The following ZBTB24 variants were observed in gnomAD, a reference collection of about 807,000 sequenced individuals.
The protein encoded by ZBTB24 is zinc finger and BTB domain containing 24.
In ZBTB24, 32 loss-of-function variants were observed where a neutral mutation model predicts 53.8. The observed-to-expected ratio is 0.60, with a 90% CI of 0.45 to 0.80. ZBTB24 has a LOEUF of 0.80. ZBTB24 is among the 30% of genes least tolerant of loss of function. ZBTB24 has a pLI of 0.00. For synonymous variants in ZBTB24, 297 were observed against 306.7 expected, an observed-to-expected ratio of 0.97 and a Z score of 0.33; for missense variants, 722 against 837.1, an observed-to-expected ratio of 0.86 and a Z score of 1.70.
intron 2 of ZBTB24, among the ~76,000 whole-genome samples, chr6:109,477,415 T>C (rs1348687441): frequency 1.3e-5 from 2 of 152,076 alleles, no homozygotes; most frequent in African/African-American, 4.8e-5. Context: ...CCTCCCAAAT[T>C]GCTGGGAGTA....
chr6:109,469,521 C>CA (rs1391194118), intron 5 of ZBTB24, among the ~76,000 whole-genome samples: 1 of 151,684 alleles, frequency 6.6e-6, no homozygotes, highest in African/African-American at 2.4e-5. Context: ...GGTCAATCTG[C>CA]AGGGGGTCTT....
rs1398350147 is a variant in ZBTB24 at position 109,481,066 on chromosome 6, C to T, written c.952+9G>A. ...AACACACTGCAATCAGCTTTGAAAA[C>T]ATCATTACCTGTGTGGCTCCTCTGG... On this transcript the variant is annotated intron_variant, in intron 2 of 6. Transcript: ENST00000230122. 6.2e-7 allele frequency: 1 copy of T among 1,613,658 alleles called. No individual in the cohort carries two copies. Among genetic ancestry groups the T allele is most frequent in the Non-Finnish European group, 8.5e-7 (1 of 1,179,620 alleles).
At position 109,462,919 on chromosome 6, in the gene ZBTB24, C is replaced by T. The variant is rs984347863; in HGVS notation, c.*2932G>A. ...AATGAATTGTGAAACACTGCACTAGCAACATCATTTCTCAAGGACACATGA... is the reference window on the plus strand; with the variant it reads ...AATGAATTGTGAAACACTGCACTAGTAACATCATTTCTCAAGGACACATGA... On this transcript the variant is annotated 3_prime_UTR_variant, in exon 7 of 7. Transcript: ENST00000230122. 6.6e-6 allele frequency: 1 copy of T among 152,230 alleles called. No individual in the cohort carries two copies. Among genetic ancestry groups the T allele is most frequent in the Admixed American group, 6.5e-5 (1 of 15,292 alleles). The allele number at this position is 152,230 out of a possible 1,614,324, so 9.4% of individuals were successfully genotyped here.
In ZBTB24 at chr6:109,464,107, A is replaced by G; in HGVS notation, c.*1744T>C. ...TTGTGTTTTAAGAATAAAATTAAACAGTTTAAACGAGAACCTGAAATAATA... is the reference window on the plus strand; with the variant it reads ...TTGTGTTTTAAGAATAAAATTAAACGGTTTAAACGAGAACCTGAAATAATA... On this transcript the variant is annotated 3_prime_UTR_variant, in exon 7 of 7. Coordinates refer to ENST00000230122, the MANE Select transcript of ZBTB24 (RefSeq NM_014797.3). 6.6e-6 allele frequency: 1 copy of G among 152,240 alleles called. No homozygotes were observed. Among genetic ancestry groups the G allele is most frequent in the Non-Finnish European group, 1.5e-5 (1 of 68,030 alleles). 9.4% of individuals were successfully genotyped at this position (152,240 alleles called of 1,614,324 possible).
chr6:109,477,807 T>A (rs9487124), intron 2 of ZBTB24, among the ~76,000 whole-genome samples: 5 of 152,160 alleles, frequency 3.3e-5, no homozygotes, highest in Non-Finnish European at 7.3e-5. Context: ...CCAGGCCTAG[T>A]GCCTCCAAGT....
At chr6:109,482,929 C>G (rs1776463758) in intron 1 of ZBTB24, among the ~76,000 whole-genome samples, 169 bp downstream of exon 1, 1 of 152,272 alleles carries the variant, frequency 6.6e-6, no homozygotes, top group Non-Finnish European at 1.5e-5. Flanking sequence ...GGCGCGGAGC[C>G]CCCCGCAGCC....
chr6:109,475,379 C>G lies in ZBTB24; in HGVS notation c.1288+20G>C, dbSNP rs1401672236. 9.3e-6 allele frequency: 15 copies of G among 1,613,944 alleles called. No individual in the cohort carries two copies. The highest frequency in any genetic ancestry group is 1.2e-5 in the Non-Finnish European group (14 of 1,179,818). On this transcript the variant is annotated intron_variant, in intron 5 of 6. Coordinates refer to ENST00000230122, the MANE Select transcript of ZBTB24 (RefSeq NM_014797.3). ...GAAAACATCCCGTGTACTGGGGGGACAGACGAGATGGAGTTTTACCTGTGT... is the reference window on the plus strand; with the variant it reads ...GAAAACATCCCGTGTACTGGGGGGAGAGACGAGATGGAGTTTTACCTGTGT...
chr6:109,466,329 A>G lies in ZBTB24; in HGVS notation c.1616T>C (p.Leu539Pro). Residue 539 changes from leucine (L) to proline (P), a missense_variant, in exon 7 of 7, where the codon CTA becomes CCA. Leu to Pro is a moderately conservative substitution (Grantham distance 98). Coordinates refer to ENST00000230122, the MANE Select transcript of ZBTB24 (RefSeq NM_014797.3). ...NTEEVRNILQLQPYQLSTSGE... is the reference protein window; with the variant it reads ...NTEEVRNILQPQPYQLSTSGE... ...CGAGGTAGAGAGTTGATATGGCTGT[A>G]GCTGAAGAATATTCCTGACCTCTTC... 1 of 1,614,230 alleles carries G rather than the reference A, an allele frequency of 6.2e-7. No homozygotes were observed. Among genetic ancestry groups the G allele is most frequent in the Non-Finnish European group, 8.5e-7 (1 of 1,180,042 alleles).
rs1464484400 is a variant in ZBTB24 at position 109,464,986 on chromosome 6, G to C, written c.*865C>G. On this transcript the variant is annotated 3_prime_UTR_variant, in exon 7 of 7. Transcript: ENST00000230122. ...TAAGACTTAAATTACACTGAATAAA[G>C]TTTTATGTTCCAGAATAGTGAAGAA... 1 of 152,210 alleles carries C rather than the reference G, an allele frequency of 6.6e-6. No individual in the cohort carries two copies. Among genetic ancestry groups the C allele is most frequent in the Non-Finnish European group, 1.5e-5 (1 of 68,056 alleles). The allele number at this position is 152,210 out of a possible 1,614,324, so 9.4% of individuals were successfully genotyped here. A position where few individuals can be genotyped will look rare whatever the true frequency, so the allele number is the denominator to read the frequency against.
chr6:109,467,768 A>C (rs1213989988), intron 5 of ZBTB24, 34 bp from the exon 6 acceptor site: 1 of 1,605,774 alleles, frequency 6.2e-7, no homozygotes, highest in Admixed American at 1.7e-5. Context: ...AAAAAACCCA[A>C]AACAAAAAAA....
Position 109,466,479 on chromosome 6 carries a change from G to A in ZBTB24, c.1466C>T (p.Pro489Leu), listed in dbSNP as rs764808133. Residue 489 changes from proline (P) to leucine (L), a missense_variant, in exon 7 of 7, where the codon CCT becomes CTT. Pro to Leu is a moderately conservative substitution (Grantham distance 98). Transcript: ENST00000230122. ...RHCILHTGKK[P>L]FSCPECNLQF... The stretch of plus-strand genomic sequence containing the variant: ...TAAGTTACACTCAGGGCAGGAGAAA[G>A]GCTTCTTGCCAGTGTGTAGAATGCA... 6.2e-7 allele frequency: 1 copy of A among 1,614,222 alleles called. No individual in the cohort carries two copies. Among genetic ancestry groups the A allele is most frequent in the South Asian group, 1.1e-5 (1 of 91,086 alleles).
Position 109,466,267 on chromosome 6 carries a change from C to G in ZBTB24, c.1678G>C (p.Val560Leu). 1.2e-6 allele frequency: 2 copies of G among 1,614,182 alleles called. No individual in the cohort carries two copies. The highest frequency in any genetic ancestry group is 1.7e-6 in the Non-Finnish European group (2 of 1,180,048). ...CCGGGCATGAAATTGATGTTATGTACAGAATCGGTTACGAGAAGCTGAATT... is the reference window on the plus strand; with the variant it reads ...CCGGGCATGAAATTGATGTTATGTAGAGAATCGGTTACGAGAAGCTGAATT... Reference protein sequence around the residue: ...QEIQLLVTDSVHNINFMPGPS... With the variant: ...QEIQLLVTDSLHNINFMPGPS... Residue 560 changes from valine (V) to leucine (L), a missense_variant, in exon 7 of 7, where the codon GTA becomes CTA. Physicochemically the swap from Val to Leu is conservative, Grantham distance 32. Transcript: ENST00000230122.
At chr6:109,482,495 G>A (rs970016854) in intron 1 of ZBTB24, among the ~76,000 whole-genome samples, 1 of 136,964 alleles carries the variant, frequency 7.3e-6, no homozygotes, top group Non-Finnish European at 1.6e-5. Flanking sequence ...AACTTAGCTC[G>A]CGGTTTTTTT....
intron 2 of ZBTB24, 60 bp from the exon 3 acceptor site, chr6:109,476,990 C>T (rs1207362945): frequency 6.9e-6 from 11 of 1,583,748 alleles, no homozygotes; most frequent in Non-Finnish European, 9.4e-6. Flanking sequence ...TTCTGTCTCT[C>T]CCAAATTAAA....
chr6:109,482,471 A>C (rs184005483), intron 1 of ZBTB24, among the ~76,000 whole-genome samples: 31 of 150,220 alleles, frequency 2.1e-4, no homozygotes, highest in Middle Eastern at 3.4e-3. Context: ...CACCTCAAAA[A>C]ACAAAAACAA....
At position 109,463,374 on chromosome 6, in the gene ZBTB24, C is replaced by T. The variant is rs1775950208; in HGVS notation, c.*2477G>A. On this transcript the variant is annotated 3_prime_UTR_variant, in exon 7 of 7. Coordinates refer to ENST00000230122, the MANE Select transcript of ZBTB24 (RefSeq NM_014797.3). ...ACAAAGCTATCATTTCCTTGTTTCT[C>T]TTTGACAGCTGGTCAAATAATTCAG... is the stretch of plus-strand genomic sequence containing the variant. 2 of 152,206 alleles carry T rather than the reference C, an allele frequency of 1.3e-5. No homozygotes were observed. Among genetic ancestry groups the T allele is most frequent in the African/African-American group, 4.8e-5 (2 of 41,450 alleles). The allele number at this position is 152,206 out of a possible 1,614,324, so 9.4% of individuals were successfully genotyped here. A position where few individuals can be genotyped will look rare whatever the true frequency, so the allele number is the denominator to read the frequency against.
rs773867934 is a variant in ZBTB24 at position 109,482,498 on chromosome 6, GTTT to G, written c.-28-447_-28-445del. ...CAAAAACAAAACAACTTAGCTCGCG[GTTT>G]TTTTTTTTTGAGACGGAGTCTCGCT... On this transcript the variant is annotated intron_variant, in intron 1 of 6. Transcript: ENST00000230122. 5.1e-3 allele frequency among the ~76,000 whole-genome samples: 740 copies of G among 144,222 alleles called. 15 individuals carry two copies. Among genetic ancestry groups the G allele is most frequent in the Admixed American group, 0.012 (170 of 14,650 alleles). The allele number at this position is 144,222 out of a possible 152,430, so 94.6% of individuals were successfully genotyped here.
Position 109,463,673 on chromosome 6 carries a change from T to A in ZBTB24, c.*2178A>T, listed in dbSNP as rs542331451. 19 of 152,372 alleles carry A rather than the reference T, an allele frequency of 1.2e-4. No individual in the cohort carries two copies. Among genetic ancestry groups the A allele is most frequent in the African/African-American group, 4.6e-4 (19 of 41,590 alleles). The allele number at this position is 152,372 out of a possible 1,614,324, so 9.4% of individuals were successfully genotyped here. Reference sequence around the variant, plus strand: ...CAGATCAAGTATGTCCAATGAACATTAGCATCCAAATGGAGATGTGCAGAA... The same window carrying A: ...CAGATCAAGTATGTCCAATGAACATAAGCATCCAAATGGAGATGTGCAGAA... On this transcript the variant is annotated 3_prime_UTR_variant, in exon 7 of 7. Coordinates refer to ENST00000230122, the MANE Select transcript of ZBTB24 (RefSeq NM_014797.3).
intron 2 of ZBTB24, 44 bp from the exon 3 acceptor site, chr6:109,476,974 A>G (rs1174226756): frequency 6.2e-7 from 1 of 1,604,112 alleles, no homozygotes; most frequent in South Asian, 1.1e-5. Context: ...AAGAATCCAC[A>G]CATTTTTCTG....
Sources: allele counts gnomAD v4.1 joint callset (sites outside exome capture counted in the v4.1 genomes callset), GRCh38; gene constraint gnomAD v4.1.1; transcripts MANE v1.5; gene names NCBI Gene and HGNC (gene_info 2026-07-23, HGNC 2026-07-21).